The following LAMB4 variants were observed in gnomAD, a reference collection of about 807,000 sequenced individuals.
LAMB4 encodes laminin subunit beta-4.
Under a neutral mutation model 199.2 loss-of-function variants are expected in LAMB4, and 196 were observed. The ratio of observed to expected loss-of-function variants is 0.98; its 90% CI spans 0.88 to 1.11. The LOEUF is 1.11. Ranked by LOEUF, LAMB4 falls within the 50% of genes least tolerant of loss-of-function variation. LAMB4 has a pLI of 0.00. For missense variants in LAMB4, 2,080 were observed against 2,171.2 expected (o/e 0.96, Z 0.83); for synonymous variants, 744 against 770.6 (o/e 0.97, Z 0.57).
In LAMB4 at chr7:108,029,250, T is replaced by C. The variant is rs2034946947; in HGVS notation, c.4993-54A>G. On this transcript the variant is annotated intron_variant, in intron 32 of 33. Transcript: ENST00000388781. The stretch of plus-strand genomic sequence containing the variant: ...AAAATATGTATAAAGCATGTACATA[T>C]ATGCATGATGATTCTCCTAATTCCA... The C allele has an allele frequency of 2.6e-5, 38 of 1,486,102 alleles. 2 individuals carry two copies. In the South Asian group the frequency reaches 4.4e-4, roughly 17 times the overall value. 92.1% of individuals were successfully genotyped at this position (1,486,102 alleles called of 1,614,324 possible). A position where few individuals can be genotyped will look rare whatever the true frequency, so the allele number is the denominator to read the frequency against.
intron 17 of LAMB4, 43 bp downstream of exon 17, chr7:108,076,901 C>T (rs745937741): frequency 6.2e-7 from 1 of 1,605,630 alleles, no homozygotes; most frequent in Non-Finnish European, 8.5e-7. Flanking sequence ...TATAACGGTG[C>T]TTAGTAGCGA....
At chr7:108,127,010 C>G (rs1038872625) in intron 1 of LAMB4, among the ~76,000 whole-genome samples, 1 of 152,028 alleles carries the variant, frequency 6.6e-6, no homozygotes, top group Admixed American at 6.5e-5. Context: ...AAAACACTCC[C>G]TAGGGGATTC....
At chr7:108,060,691 C>T (rs1242811031) in intron 23 of LAMB4, among the ~76,000 whole-genome samples, 1 of 152,144 alleles carries the variant, frequency 6.6e-6, no homozygotes, top group African/African-American at 2.4e-5. Flanking sequence ...CAATTTGAAC[C>T]ACAAAATAAA....
At chr7:108,120,385 C>T (rs764916583) in intron 2 of LAMB4, among the ~76,000 whole-genome samples, 2 of 152,160 alleles carry the variant, frequency 1.3e-5, no homozygotes, top group Non-Finnish European at 2.9e-5. Flanking sequence ...ATAAGTTCTA[C>T]AGCTAAGAAC....
chr7:108,079,879 T>C (rs2036864194), intron 14 of LAMB4, 93 bp from the exon 15 acceptor site: 1 of 853,942 alleles, frequency 1.2e-6, no homozygotes, highest in Non-Finnish European at 1.8e-6. Context: ...ACCCCCTGTA[T>C]TTCCTGGTGT....
intron 26 of LAMB4, among the ~76,000 whole-genome samples, chr7:108,050,730 T>C (rs1373287234): frequency 2.0e-5 from 3 of 152,182 alleles, no homozygotes; most frequent in Admixed American, 1.3e-4. Context: ...TCACTTATCA[T>C]GAAAAAAGTG....
chr7:108,089,089 C>T (rs920046806), intron 14 of LAMB4, among the ~76,000 whole-genome samples: 4 of 152,114 alleles, frequency 2.6e-5, no homozygotes, highest in African/African-American at 9.7e-5. Context: ...AGTGAAAATG[C>T]TATATAAACT....
chr7:108,056,726 T>G (rs1016650928), intron 24 of LAMB4, among the ~76,000 whole-genome samples: 1 of 152,098 alleles, frequency 6.6e-6, no homozygotes, highest in African/African-American at 2.4e-5. Flanking sequence ...TCCCAGCACT[T>G]TGGGAGGCTA....
rs1441075798 is a variant in LAMB4 at position 108,107,730 on chromosome 7, G to A, written c.492C>T (p.Ala164=). Residue 164 remains alanine (A), a synonymous_variant, in exon 6 of 34, where the codon GCC becomes GCT. Transcript: ENST00000388781. ...CAGATGTGATGTTAGGAAAGGAAGTGGCACAGTCTTTTGCAAAATATTTGA... is the reference window on the plus strand; with the variant it reads ...CAGATGTGATGTTAGGAAAGGAAGTAGCACAGTCTTTTGCAAAATATTTGA... ...KVFKYFAKDC[A]TSFPNITSGQ... The A allele has an allele frequency of 6.2e-7, 1 of 1,613,712 alleles. No individual in the cohort carries two copies. Among genetic ancestry groups the A allele is most frequent in the South Asian group, 1.1e-5 (1 of 91,020 alleles).
chr7:108,079,317 T>G (rs2036834782), intron 15 of LAMB4, among the ~76,000 whole-genome samples: 1 of 152,198 alleles, frequency 6.6e-6, no homozygotes, highest in Non-Finnish European at 1.5e-5. Context: ...TTGTGTTATT[T>G]TGGTTATTTT....
chr7:108,022,923 C>A (rs1458149608), downstream of LAMB4, among the ~76,000 whole-genome samples: 1 of 152,126 alleles, frequency 6.6e-6, no homozygotes, highest in Non-Finnish European at 1.5e-5. Flanking sequence ...AGCTATTCTC[C>A]TACCTCAGCC....
chr7:108,078,031 A>G (rs992475612), intron 16 of LAMB4, among the ~76,000 whole-genome samples, 170 bp downstream of exon 16: 2 of 152,248 alleles, frequency 1.3e-5, no homozygotes, highest in Non-Finnish European at 2.9e-5. Flanking sequence ...TATGAAGATT[A>G]AAAGTGATAT....
chr7:108,128,844 A>G (rs995196879), intron 1 of LAMB4, among the ~76,000 whole-genome samples: 1 of 152,202 alleles, frequency 6.6e-6, no homozygotes, highest in Non-Finnish European at 1.5e-5. Context: ...TAAATTCATC[A>G]GTGAGTTTTA....
intron 28 of LAMB4, among the ~76,000 whole-genome samples, chr7:108,047,414 T>C (rs1049197479): frequency 1.3e-5 from 2 of 152,172 alleles, no homozygotes; most frequent in Non-Finnish European, 2.9e-5. Context: ...TTAATGATGA[T>C]CTATTTCCTC....
At chr7:108,044,588 C>T (rs1188530839) in intron 28 of LAMB4, among the ~76,000 whole-genome samples, 1 of 152,182 alleles carries the variant, frequency 6.6e-6, no homozygotes, top group East Asian at 1.9e-4. Flanking sequence ...ATATTGCCAA[C>T]AAGCTGAGCT....
chr7:108,063,876 C>G lies in LAMB4; in HGVS notation c.2946G>C (p.Glu982Asp), dbSNP rs767326175. ...ACTCCCCTGTTACCCGGCTGCAGGA[C>G]TCTGGATCGGTTACATCTATGTTGT... ...CNNNIDVTDP[E>D]SCSRVTGECL... is the part of the protein sequence containing the mutation. Residue 982 changes from glutamate to aspartate, a missense_variant, in exon 22 of 34, where the codon GAG (glutamate) becomes GAC (aspartate). Physicochemically the swap from Glu to Asp is conservative, Grantham distance 45. Transcript: ENST00000388781. 1.2e-6 allele frequency: 2 copies of G among 1,614,062 alleles called. No individual in the cohort carries two copies. Among genetic ancestry groups the G allele is most frequent in the East Asian group, 2.2e-5 (1 of 44,886 alleles).
At position 108,056,020 on chromosome 7, in the gene LAMB4, A is replaced by C; in HGVS notation, c.3380-13T>G. On this transcript the variant is annotated splice_polypyrimidine_tract_variant and intron_variant, in intron 24 of 33. Coordinates refer to ENST00000388781, the MANE Select transcript of LAMB4 (RefSeq NM_007356.3). Reference sequence around the variant, plus strand: ...TTACAATCACATGCTAAAAAGGAAAACAGAAGGAGCAGAGAATGTCACTGG... The same window carrying C: ...TTACAATCACATGCTAAAAAGGAAACCAGAAGGAGCAGAGAATGTCACTGG... 6.3e-7 allele frequency: 1 copy of C among 1,593,496 alleles called. No individual in the cohort carries two copies. The highest frequency in any genetic ancestry group is 1.3e-5 in the African/African-American group (1 of 74,320).
rs959883105 is a variant in LAMB4 at position 108,026,727 on chromosome 7, C to G, written c.5146+2316G>C. On this transcript the variant is annotated intron_variant, in intron 33 of 33. Coordinates refer to ENST00000388781, the MANE Select transcript of LAMB4 (RefSeq NM_007356.3). Reference sequence around the variant, plus strand: ...TCTGTGGAAGGACCCTGGCTGAAGACTAGAGTCCATTCCCCACTCTCTCAA... The same window carrying G: ...TCTGTGGAAGGACCCTGGCTGAAGAGTAGAGTCCATTCCCCACTCTCTCAA... 4 of 296,354 alleles carry G rather than the reference C, an allele frequency of 1.3e-5. No individual in the cohort carries two copies. The Admixed American group carries it at 1.9e-4, about 14-fold the overall frequency. The allele number at this position is 296,354 out of a possible 1,614,324, so 18.4% of individuals were successfully genotyped here. A position where few individuals can be genotyped will look rare whatever the true frequency, so the allele number is the denominator to read the frequency against.
At position 108,091,628 on chromosome 7, in the gene LAMB4, A is replaced by G; in HGVS notation, c.1699T>C (p.Leu567=). ...EATTLQGLAP[L]GSETFGQSPA... is the part of the protein sequence containing the mutation. ...GGGAAAGTAAATGAAATACGAACCA[A>G]AGGCGCCAGTCCTTGGAGTGTTGTG... is the stretch of plus-strand genomic sequence containing the variant. The change falls in exon 14 of 34, where the codon TTG becomes CTG. Residue 567 remains leucine (L), a splice_region_variant and synonymous_variant. Coordinates refer to ENST00000388781, the MANE Select transcript of LAMB4 (RefSeq NM_007356.3). The G allele has an allele frequency of 6.2e-7, 1 of 1,612,440 alleles. No individual in the cohort carries two copies. The highest frequency in any genetic ancestry group is 8.5e-7 in the Non-Finnish European group (1 of 1,179,462).
Sources: gnomAD v4.1 joint callset for allele counts (sites outside exome capture counted in the v4.1 genomes callset) on GRCh38, gnomAD v4.1.1 for gene constraint, MANE v1.5 for transcripts, NCBI Gene and HGNC (gene_info 2026-07-23, HGNC 2026-07-21) for gene names.